The following MICAL3 variants were observed in gnomAD, a reference collection of about 807,000 sequenced individuals.
MICAL3 encodes microtubule associated monooxygenase, calponin and LIM domain containing 3.
Under a neutral mutation model 207.4 loss-of-function variants are expected in MICAL3, and 62 were observed. That is an observed-to-expected ratio of 0.30 (90% CI 0.24 to 0.37). MICAL3 has a LOEUF of 0.37. MICAL3 is among the 10% of genes least tolerant of loss of function. The pLI is 1.00. For synonymous variants in MICAL3, 1,077 were observed against 1,069.3 expected (o/e 1.01, Z -0.14); for missense variants, 2,368 against 2,635.6 (o/e 0.90, Z 2.22).
At chr22:17,993,289 T>C (rs191371914) in intron 1 of MICAL3, among the ~76,000 whole-genome samples, 41 of 152,082 alleles carry the variant, frequency 2.7e-4, no homozygotes, top group African/African-American at 9.6e-4. Flanking sequence ...CCGGGATACA[T>C]GTGCAGAACG....
chr22:17,922,903 C>T (rs1932833100), intron 1 of MICAL3, among the ~76,000 whole-genome samples: 1 of 152,138 alleles, frequency 6.6e-6, no homozygotes, highest in African/African-American at 2.4e-5. Flanking sequence ...TAAATCTAGA[C>T]AACTGACCCT....
At chr22:17,928,150 T>C (rs752766031) in intron 1 of MICAL3, among the ~76,000 whole-genome samples, 2 of 152,136 alleles carry the variant, frequency 1.3e-5, no homozygotes, top group Admixed American at 6.5e-5. Flanking sequence ...TAGAAACACC[T>C]GTCCGTGGGC....
chr22:17,997,786 T>C (rs1440535385), intron 1 of MICAL3, among the ~76,000 whole-genome samples: 1 of 152,132 alleles, frequency 6.6e-6, no homozygotes, highest in Non-Finnish European at 1.5e-5. Context: ...TTGAATGTTG[T>C]TGTGAGGAAT....
Position 17,876,789 on chromosome 22 carries a change from G to C in MICAL3, c.2242-4766C>G, listed in dbSNP as rs1327154925. The stretch of plus-strand genomic sequence containing the variant: ...TAGGGAAGTTATGGAGGTTAGGGAG[G>C]TTAGGGAAGTTATGGAGGTTAGGGA... On this transcript the variant is annotated intron_variant, in intron 16 of 31. Coordinates refer to ENST00000441493, the MANE Select transcript of MICAL3 (RefSeq NM_015241.3). The C allele has an allele frequency of 2.3e-4, 31 of 136,288 alleles. 1 individual carries two copies. Among genetic ancestry groups the C allele is most frequent in the East Asian group, 6.3e-4 (3 of 4,730 alleles). 8.4% of individuals were successfully genotyped at this position (136,288 alleles called of 1,614,324 possible).
chr22:17,953,493 C>A (rs1267018580), intron 1 of MICAL3, among the ~76,000 whole-genome samples: 2 of 152,036 alleles, frequency 1.3e-5, no homozygotes, highest in Non-Finnish European at 2.9e-5. Context: ...AATGTCCAAG[C>A]CCCCTAGAAG....
intron 17 of MICAL3, among the ~76,000 whole-genome samples, chr22:17,866,608 C>A (rs367561156): frequency 8.1e-6 from 1 of 123,108 alleles, no homozygotes; most frequent in African/African-American, 3.3e-5. Flanking sequence ...CAGCATAGAA[C>A]AGAACAGAAT....
chr22:17,822,900 A>C (rs1416722277), intron 23 of MICAL3, 47 bp downstream of exon 23: 1 of 1,314,244 alleles, frequency 7.6e-7, no homozygotes, highest in Non-Finnish European at 1.1e-6. Flanking sequence ...TATTGCCTTC[A>C]TCTTCCCTGA....
In MICAL3 at chr22:17,821,449, G is replaced by A; in HGVS notation, c.3509C>T (p.Pro1170Leu). ...TACCTCTGTTGAGGGGCTGTGGACTGGAATGAACAGAAGAGCTGATTCCTG... is the reference window on the plus strand; with the variant it reads ...TACCTCTGTTGAGGGGCTGTGGACTAGAATGAACAGAAGAGCTGATTCCTG... Reference protein sequence around the residue: ...SPQESALLFIPVHSPSTEGPQ... With the variant: ...SPQESALLFILVHSPSTEGPQ... The change falls in exon 25 of 32, where the codon CCA becomes CTA. Residue 1170 changes from proline (P) to leucine (L), a missense_variant. This residue lies in a region of MICAL3 where 1,770 missense variants were observed against 1,863.2 expected (regional missense o/e 0.95). Transcript: ENST00000441493. 1 of 1,545,924 alleles carries A rather than the reference G, an allele frequency of 6.5e-7. No individual in the cohort carries two copies. The highest frequency in any genetic ancestry group is 2.5e-5 in the East Asian group (1 of 40,244).
intron 29 of MICAL3, among the ~76,000 whole-genome samples, chr22:17,798,863 T>C (rs413732): frequency 0.56 from 83,495 of 150,154 alleles, 24,316 homozygotes; most frequent in Non-Finnish European, 0.65. Context: ...TTAGTAGAGA[T>C]GGGGTTTCAC....
chr22:17,950,712 C>T (rs994356669), intron 1 of MICAL3, among the ~76,000 whole-genome samples: 1 of 152,168 alleles, frequency 6.6e-6, no homozygotes, highest in African/African-American at 2.4e-5. Context: ...GGACAACTCC[C>T]TTTGAAGAGA....
intron 19 of MICAL3, chr22:17,860,679 G>C: frequency 1.0e-6 from 1 of 985,444 alleles, no homozygotes; most frequent in Non-Finnish European, 1.2e-6. Context: ...CGGGTGCCCG[G>C]CTCTCCGTGG....
chr22:17,899,442 G>A lies in MICAL3; in HGVS notation c.948+6C>T. 1 of 1,569,208 alleles carries A rather than the reference G, an allele frequency of 6.4e-7. No homozygotes were observed. The highest frequency in any genetic ancestry group is 8.7e-7 in the Non-Finnish European group (1 of 1,143,210). On this transcript the variant is annotated splice_donor_region_variant and intron_variant, in intron 7 of 31. Coordinates refer to ENST00000441493, the MANE Select transcript of MICAL3 (RefSeq NM_015241.3). ...GAAAGAGTTTTGAAGGAAATCCGTG[G>A]CTCACATGTAGTATCACTCCTTTGT...
At chr22:17,827,423 T>C (rs1472366415) in intron 22 of MICAL3, among the ~76,000 whole-genome samples, 1 of 152,198 alleles carries the variant, frequency 6.6e-6, no homozygotes, top group Non-Finnish European at 1.5e-5. Context: ...TTTGCATCAA[T>C]GGAGAAAGAG....
intron 29 of MICAL3, chr22:17,803,614 C>G (rs1260282024): frequency 1.9e-5 from 3 of 156,602 alleles, no homozygotes; most frequent in Non-Finnish European, 4.2e-5. Context: ...AAAGCAAGCT[C>G]AGATCTTCCT....
chr22:17,899,049 T>C (rs748081007), intron 7 of MICAL3, among the ~76,000 whole-genome samples: 10 of 152,212 alleles, frequency 6.6e-5, no homozygotes, highest in Non-Finnish European at 1.3e-4. Context: ...CAGTCAGATA[T>C]GGAAATCACA....
intron 19 of MICAL3, among the ~76,000 whole-genome samples, chr22:17,859,126 G>A (rs1926242638): frequency 6.6e-6 from 1 of 152,126 alleles, no homozygotes; most frequent in Non-Finnish European, 1.5e-5. Context: ...AACCATCGAG[G>A]CTCTGAGGAA....
At chr22:17,820,072 G>A (rs1282124744) in intron 25 of MICAL3, among the ~76,000 whole-genome samples, 1 of 150,496 alleles carries the variant, frequency 6.6e-6, no homozygotes, top group African/African-American at 2.5e-5. Context: ...TTGGGAGGCT[G>A]CAGTGAGCCA....
In MICAL3 at chr22:17,822,055, G is replaced by A. The variant is rs45514595; in HGVS notation, c.3423C>T (p.Pro1141=). 0.063 allele frequency: 102,105 copies of A among 1,613,616 alleles called. 3,581 individuals are homozygous for A. The highest frequency in any genetic ancestry group is 0.14 in the African/African-American group (10,764 of 75,018). ...LRVSEDEEKL[P]ASPKHQERGP... is the part of the protein sequence containing the mutation. ...CTCTCTCTTGGTGCTTCGGTGAGGC[G>A]GGCAGCTTCTCCTCATCTTCCGACA... Residue 1141 remains proline, a synonymous_variant, in exon 24 of 32, where the codon CCC becomes CCT. Transcript: ENST00000441493.
intron 1 of MICAL3, among the ~76,000 whole-genome samples, chr22:17,952,801 G>C (rs9605448): frequency 0.018 from 2,809 of 152,256 alleles, 32 homozygotes; most frequent in Non-Finnish European, 0.028. Context: ...AAGAACACTG[G>C]GACTTGGAGC....
Sources: allele counts gnomAD v4.1 joint callset (sites outside exome capture counted in the v4.1 genomes callset), GRCh38; gene constraint gnomAD v4.1.1; regional missense constraint gnomAD v4.1.1; transcripts MANE v1.5; gene names NCBI Gene and HGNC (gene_info 2026-07-23, HGNC 2026-07-21).